The following COL4A6 variants were observed in gnomAD, a reference collection of about 807,000 sequenced individuals.
COL4A6 encodes collagen alpha-6(IV) chain.
In COL4A6, 59 loss-of-function variants were observed where a neutral mutation model predicts 126.7. The observed-to-expected ratio is 0.47, with a 90% CI of 0.38 to 0.58. The LOEUF (loss-of-function observed/expected upper bound fraction) is 0.58. COL4A6 is among the 20% of genes least tolerant of loss of function. COL4A6 has a pLI of 0.00. For missense variants in COL4A6, 1,285 were observed against 1,337.3 expected (o/e 0.96, Z 0.61); for synonymous variants, 547 against 496.6 (o/e 1.10, Z -1.35).
At chrX:108,161,871 A>T in intron 41 of COL4A6, 136 bp from the exon 42 acceptor site, 1 of 441,343 alleles carries the variant, frequency 2.3e-6, no homozygotes, top group Non-Finnish European at 4.1e-6. Context: ...TGGTGTGCAC[A>T]CTGCACATCA....
chrX:108,417,660 C>T (rs2041459528), intron 2 of COL4A6, among the ~76,000 whole-genome samples: 1 of 111,686 alleles, frequency 9.0e-6, no homozygotes, highest in Non-Finnish European at 1.9e-5. Flanking sequence ...TTGTAAATTT[C>T]AATGTTTATT....
At chrX:108,327,039 A>G (rs910556163) in intron 2 of COL4A6, among the ~76,000 whole-genome samples, 3 of 111,073 alleles carry the variant, frequency 2.7e-5, no homozygotes, top group Middle Eastern at 4.2e-3. Context: ...CGCATATCAC[A>G]TATCTCAGGG....
At chrX:108,431,819 A>G (rs7053892) in intron 2 of COL4A6, among the ~76,000 whole-genome samples, 6,950 of 111,316 alleles carry the variant, frequency 0.062, 526 homozygotes, top group African/African-American at 0.2. Context: ...ACAAACAGAG[A>G]ATGCAAATTG....
At position 108,161,657 on chromosome X, in the gene COL4A6, G is replaced by A. The variant is rs1353592076; in HGVS notation, c.4295C>T (p.Pro1432Leu). The change falls in exon 42 of 45, where the codon CCT becomes CTT. Residue 1432 changes from proline (P) to leucine (L), a missense_variant. Coordinates refer to ENST00000334504, the MANE Select transcript of COL4A6 (RefSeq NM_033641.4). ...LPGPPGALGD[P>L]GLPGLQGPPG... ...AGGGCCTTGCAGTCCAGGCAGACCA[G>A]GATCACCAAGAGCCCCAGGTGGGCC... The A allele has an allele frequency of 1.8e-6, 2 of 1,126,962 alleles. No individual in the cohort carries two copies. The highest frequency in any genetic ancestry group is 3.9e-5 in the African/African-American group (2 of 51,924). The allele number at this position is 1,126,962 out of a possible 1,213,427, so 92.9% of individuals were successfully genotyped here. A position where few individuals can be genotyped will look rare whatever the true frequency, so the allele number is the denominator to read the frequency against.
chrX:108,219,880 T>G, intron 4 of COL4A6, 138 bp from the exon 5 acceptor site: 1 of 506,296 alleles, frequency 2.0e-6, no homozygotes, highest in Non-Finnish European at 3.5e-6. Context: ...ATTCCCTTGA[T>G]TCCTACTGCA....
chrX:108,283,647 T>C (rs2037920546), intron 3 of COL4A6, among the ~76,000 whole-genome samples: 1 of 110,762 alleles, frequency 9.0e-6, no homozygotes, highest in African/African-American at 3.3e-5. Flanking sequence ...ACTATCTTTC[T>C]ATTCTCTTCA....
intron 11 of COL4A6, 155 bp from the exon 12 acceptor site, chrX:108,204,567 C>T (rs2035487975): frequency 1.8e-6 from 1 of 553,685 alleles, no homozygotes; most frequent in Non-Finnish European, 3.2e-6. Flanking sequence ...CTCTCACTGC[C>T]AAAGGGTGAG....
Position 108,387,882 on chromosome X carries a change from T to C in COL4A6, c.63+50060A>G, listed in dbSNP as rs1289798955. Among the ~76,000 whole-genome samples, 2 of 112,109 alleles carry C rather than the reference T, an allele frequency of 1.8e-5. 1 individual carries two copies. Among genetic ancestry groups the C allele is most frequent in the Admixed American group, 1.9e-4 (2 of 10,563 alleles). ...ATAAATAGCTCTTACTATTTTGAGA[T>C]AGTTTCCATCAATACTTAGTTCATT... On this transcript the variant is annotated intron_variant, in intron 2 of 44. Coordinates refer to ENST00000334504, the MANE Select transcript of COL4A6 (RefSeq NM_033641.4).
At chrX:108,283,365 T>G (rs1002400479) in intron 3 of COL4A6, among the ~76,000 whole-genome samples, 1 of 110,948 alleles carries the variant, frequency 9.0e-6, no homozygotes, top group African/African-American at 3.3e-5. Flanking sequence ...AGTTTATTTC[T>G]CTCTTCCCTA....
At chrX:108,168,355 A>T (rs1266136596) in intron 37 of COL4A6, among the ~76,000 whole-genome samples, 1 of 112,196 alleles carries the variant, frequency 8.9e-6, no homozygotes, top group Non-Finnish European at 1.9e-5. Context: ...AGTTTGGTCC[A>T]GATCAAAGGG....
At position 108,174,601 on chromosome X, in the gene COL4A6, G is replaced by A. The variant is rs1260204554; in HGVS notation, c.2977C>T (p.Arg993Ter). 3 of 1,174,812 alleles carry A rather than the reference G, an allele frequency of 2.6e-6. No homozygotes were observed. Among genetic ancestry groups the A allele is most frequent in the Non-Finnish European group, 2.3e-6 (2 of 881,655 alleles). The change falls in exon 31 of 45, where the codon CGA becomes TGA. Residue 993 changes from arginine to a stop codon, truncating the protein, a stop_gained. Coordinates refer to ENST00000334504, the MANE Select transcript of COL4A6 (RefSeq NM_033641.4). LOFTEE classifies it high-confidence loss of function. ...CCAGGTAGGCCTGGTGGTCCAGGTC[G>A]ACCAGCCTCTCCTTTGTCACCTGTA... ...GPRGDKGEAG[R>*]PGPPGLPGAP...
intron 2 of COL4A6, among the ~76,000 whole-genome samples, chrX:108,356,655 T>C (rs1366837420): frequency 8.9e-6 from 1 of 111,885 alleles, no homozygotes; most frequent in East Asian, 2.8e-4. Context: ...AGGCAGGAAA[T>C]ACCACAGTGT....
At chrX:108,306,456 A>G (rs1364890957) in intron 3 of COL4A6, among the ~76,000 whole-genome samples, 2 of 111,530 alleles carry the variant, frequency 1.8e-5, no homozygotes, top group African/African-American at 6.5e-5. Context: ...GGAGAGGGAC[A>G]TGAGGGGATA....
chrX:108,383,015 T>C (rs1038757271), intron 2 of COL4A6, among the ~76,000 whole-genome samples: 4 of 94,632 alleles, frequency 4.2e-5, no homozygotes, highest in African/African-American at 1.5e-4. Flanking sequence ...CCCTTTTGAT[T>C]AATTCCAAAA....
At chrX:108,394,401 G>A (rs1603210233) in intron 2 of COL4A6, among the ~76,000 whole-genome samples, 1 of 109,885 alleles carries the variant, frequency 9.1e-6, no homozygotes, top group Admixed American at 9.7e-5. Flanking sequence ...TTCTGCACAT[G>A]TACCCCAGAA....
At chrX:108,347,100 T>C (rs1301625532) in intron 2 of COL4A6, among the ~76,000 whole-genome samples, 2 of 112,369 alleles carry the variant, frequency 1.8e-5, no homozygotes, top group East Asian at 5.6e-4. Context: ...CAGCTCAGGG[T>C]TGTGGGTGGC....
intron 2 of COL4A6, among the ~76,000 whole-genome samples, chrX:108,384,319 T>C (rs1297169684): frequency 1.8e-5 from 2 of 111,986 alleles, no homozygotes; most frequent in East Asian, 5.6e-4. Flanking sequence ...CATCCATCCA[T>C]CTGATTTACT....
In COL4A6 at chrX:108,161,716, G is replaced by A. The variant is rs1311884793; in HGVS notation, c.4236C>T (p.Gly1412=). 2 of 1,202,562 alleles carry A rather than the reference G, an allele frequency of 1.7e-6. No homozygotes were observed. Among genetic ancestry groups the A allele is most frequent in the Non-Finnish European group, 1.1e-6 (1 of 888,071 alleles). ...VGLQGSKGLP[G]IPGKDGPSGL... is the part of the protein sequence containing the mutation. ...CACTGGGGCCATCTTTACCGGGGAT[G>A]CCAGGTAAACCTTTGGAGCCTGCAG... The change falls in exon 42 of 45, where the codon GGC becomes GGT. Residue 1412 remains glycine (G), a synonymous_variant. Coordinates refer to ENST00000334504, the MANE Select transcript of COL4A6 (RefSeq NM_033641.4).
intron 2 of COL4A6, among the ~76,000 whole-genome samples, chrX:108,333,167 A>C (rs1351447155): frequency 9.0e-6 from 1 of 111,103 alleles, no homozygotes; most frequent in Non-Finnish European, 1.9e-5. Flanking sequence ...TGGGTTCTCT[A>C]TTCTATTCCA....
Sources: allele counts gnomAD v4.1 joint callset (sites outside exome capture counted in the v4.1 genomes callset), GRCh38; gene constraint gnomAD v4.1.1; transcripts MANE v1.5; gene names NCBI Gene and HGNC (gene_info 2026-07-23, HGNC 2026-07-21).